LRP5: variants seen among roughly 807,000 people sequenced by gnomAD.
The protein encoded by LRP5 is LDL receptor related protein 5.
In LRP5, 62 loss-of-function variants were observed where a neutral mutation model predicts 154.1. That is an observed-to-expected ratio of 0.40 (90% CI 0.33 to 0.50). The LOEUF (loss-of-function observed/expected upper bound fraction) is 0.50. Among genes scored for constraint, LRP5 ranks in the 20% least tolerant of loss-of-function variants. The pLI is 0.55. For missense variants in LRP5, 1,915 were observed against 2,336.7 expected, an observed-to-expected ratio of 0.82 and a Z score of 3.72; for synonymous variants, 966 against 1,011.5, an observed-to-expected ratio of 0.96 and a Z score of 0.85.
chr11:68,349,376 G>A (rs1275600157), intron 2 of LRP5, among the ~76,000 whole-genome samples: 1 of 152,184 alleles, frequency 6.6e-6, no homozygotes, highest in Non-Finnish European at 1.5e-5. Flanking sequence ...TGAGGCAACC[G>A]ATGTGGTTGG....
At position 68,448,925 on chromosome 11, in the gene LRP5, C is replaced by T. The variant is rs755776774; in HGVS notation, c.4703C>T (p.Ser1568Leu). ...AGCAAGTACTACCTGGATTTGAACT[C>T]GGACTCAGACCCCTATCCACCCCCA... The part of the protein sequence containing the change: ...KASKYYLDLN[S>L]DSDPYPPPPT... Residue 1568 changes from serine to leucine, a missense_variant, in exon 23 of 23, where the codon TCG (serine) becomes TTG (leucine). Ser to Leu is a moderately radical substitution (Grantham distance 145, BLOSUM62 -2). This residue lies in a region of LRP5 where 1,094 missense variants were observed against 1,210.1 expected (regional missense o/e 0.90). Coordinates refer to ENST00000294304, the MANE Select transcript of LRP5 (RefSeq NM_002335.4). 4.3e-6 allele frequency: 7 copies of T among 1,613,594 alleles called. No individual in the cohort carries two copies. The highest frequency in any genetic ancestry group is 2.2e-5 in the East Asian group (1 of 44,876).
rs543232154 is a variant in LRP5, at chr11:68,438,308, C to T, written c.4112-138C>T. ...GTTGGCCAGGCTCCCCAGGCCTAGC[C>T]TCCCAGCTCCCCCACTTTCTCCCCA... On this transcript the variant is annotated intron_variant, in intron 19 of 22. Coordinates refer to ENST00000294304, the MANE Select transcript of LRP5 (RefSeq NM_002335.4). 3 of 881,012 alleles carry T rather than the reference C, an allele frequency of 3.4e-6. No homozygotes were observed. The Admixed American group carries it at 5.3e-5, about 15-fold the overall frequency. 54.6% of individuals were successfully genotyped at this position (881,012 alleles called of 1,614,324 possible).
chr11:68,394,778 A>T (rs2098648331), intron 7 of LRP5, among the ~76,000 whole-genome samples: 1 of 152,170 alleles, frequency 6.6e-6, no homozygotes, highest in Non-Finnish European at 1.5e-5. Context: ...TTCCCACTTT[A>T]AGAATCTGTC....
chr11:68,306,202 C>A, the LRP5 span, among the ~76,000 whole-genome samples: 1 of 152,180 alleles, frequency 6.6e-6, no homozygotes, highest in Non-Finnish European at 1.5e-5. Flanking sequence ...GTGGCGCGAT[C>A]TTGGCTCACT....
rs553930473 is a variant in LRP5, at chr11:68,378,003, G to A, written c.1016-8313G>A. Among the ~76,000 whole-genome samples, 128 of 152,330 alleles carry A rather than the reference G, an allele frequency of 8.4e-4. 2 individuals are homozygous for A. The highest frequency in any genetic ancestry group is 3.0e-3 in the African/African-American group (124 of 41,558). ...TCCGGGGGCCACTGGACCTTTCCTG[G>A]GTGGCCTGTGGCCTGGGAGCTGCAC... On this transcript the variant is annotated intron_variant, in intron 5 of 22. Coordinates refer to ENST00000294304, the MANE Select transcript of LRP5 (RefSeq NM_002335.4).
intron 12 of LRP5, among the ~76,000 whole-genome samples, chr11:68,414,859 G>A (rs1210444398): frequency 6.6e-6 from 1 of 152,228 alleles, no homozygotes; most frequent in Non-Finnish European, 1.5e-5. Flanking sequence ...CAGGAGATGG[G>A]CCTGGGCCAG....
intron 5 of LRP5, among the ~76,000 whole-genome samples, chr11:68,380,772 C>T (rs1239207600): frequency 1.3e-5 from 2 of 152,226 alleles, no homozygotes; most frequent in African/African-American, 2.4e-5. Flanking sequence ...TCAGCCCCGG[C>T]GACAGGTTTG....
At chr11:68,345,436 C>T (rs769567664) in intron 1 of LRP5, among the ~76,000 whole-genome samples, 67 of 151,862 alleles carry the variant, frequency 4.4e-4, no homozygotes, top group Non-Finnish European at 8.5e-4. Flanking sequence ...TACAGGTGCC[C>T]GTCACTACGC....
At chr11:68,400,250 G>T (rs1317062669) in intron 7 of LRP5, among the ~76,000 whole-genome samples, 1 of 152,180 alleles carries the variant, frequency 6.6e-6, no homozygotes, top group African/African-American at 2.4e-5. Flanking sequence ...GCCGGCCGCT[G>T]CCCAGCACCC....
At chr11:68,430,161 T>C (rs1484531006) in intron 17 of LRP5, among the ~76,000 whole-genome samples, 3 of 152,152 alleles carry the variant, frequency 2.0e-5, no homozygotes, top group Non-Finnish European at 4.4e-5. Flanking sequence ...TGTGTCTTTT[T>C]GTTTTGTTTT....
rs930422105 is a variant in LRP5, at chr11:68,433,850, C to T, written c.4000+12C>T. On this transcript the variant is annotated intron_variant, in intron 18 of 22. Transcript: ENST00000294304. ...GGCGGACTGTGACGGTGAGGCCCTC[C>T]CCGTCAAGGCTCTGCCAAGACCCTG... 1.9e-6 allele frequency: 3 copies of T among 1,606,948 alleles called. No individual in the cohort carries two copies. The highest frequency in any genetic ancestry group is 1.3e-5 in the African/African-American group (1 of 74,820).
intron 1 of LRP5, among the ~76,000 whole-genome samples, chr11:68,346,033 T>G (rs1331279561): frequency 1.3e-5 from 2 of 152,276 alleles, no homozygotes; most frequent in Non-Finnish European, 2.9e-5. Flanking sequence ...TTTCTCATTG[T>G]TGAGTTTTAG....
Position 68,403,622 on chromosome 11 carries a change from A to G in LRP5, c.1724A>G (p.Lys575Arg), listed in dbSNP as rs574974332. The change falls in exon 8 of 23, where the codon AAG becomes AGG. Residue 575 changes from lysine to arginine, a missense_variant. Around this residue, in one of 3 missense-constraint regions of LRP5, gnomAD observed 773 missense variants for 1,100.9 expected, o/e 0.70. Coordinates refer to ENST00000294304, the MANE Select transcript of LRP5 (RefSeq NM_002335.4). Reference protein sequence around the residue: ...RRSIERVHKVKASRDVIIDQL... With the variant: ...RRSIERVHKVRASRDVIIDQL... ...AGCATCGAGCGGGTGCACAAGGTCA[A>G]GGCCAGCCGGGACGTCATCATTGAC... 1.2e-6 allele frequency: 2 copies of G among 1,614,174 alleles called. No individual in the cohort carries two copies. The highest frequency in any genetic ancestry group is 2.2e-5 in the South Asian group (2 of 91,084).
intron 12 of LRP5, among the ~76,000 whole-genome samples, chr11:68,414,481 T>C (rs995462688): frequency 5.9e-5 from 9 of 152,120 alleles, no homozygotes; most frequent in African/African-American, 2.2e-4. Context: ...GCAGGCTGGC[T>C]CAAGAGTCCC....
chr11:68,442,321 T>A lies in LRP5; in HGVS notation c.4488+2405T>A, dbSNP rs576449089. On this transcript the variant is annotated intron_variant, in intron 21 of 22. Transcript: ENST00000294304. ...GAGACAAACTTCCTCTGTCACCCAG[T>A]GGGAGTGCAGTGGCACAATCACAGC... Among the ~76,000 whole-genome samples, 78 of 152,338 alleles carry A rather than the reference T, an allele frequency of 5.1e-4. No homozygotes were observed. In the South Asian group the frequency reaches 0.016, roughly 31 times the overall value.
chr11:68,302,039 T>C, the LRP5 span, among the ~76,000 whole-genome samples: 2 of 151,740 alleles, frequency 1.3e-5, no homozygotes, highest in Non-Finnish European at 2.9e-5. Flanking sequence ...TAAATGGCAT[T>C]GATGTGCTGA....
At chr11:68,328,445 G>A (rs562052101) in intron 1 of LRP5, among the ~76,000 whole-genome samples, 1 of 152,268 alleles carries the variant, frequency 6.6e-6, no homozygotes, top group Non-Finnish European at 1.5e-5. Context: ...TTCTGAGCTC[G>A]GTCCTCCAGT....
chr11:68,398,544 T>A (rs1449064684), intron 7 of LRP5, among the ~76,000 whole-genome samples: 1 of 151,622 alleles, frequency 6.6e-6, no homozygotes, highest in African/African-American at 2.4e-5. Flanking sequence ...TGCACAGAAC[T>A]AGAGCAGGAG....
intron 9 of LRP5, among the ~76,000 whole-genome samples, chr11:68,409,336 T>C (rs1173609213): frequency 6.9e-6 from 1 of 145,546 alleles, no homozygotes; most frequent in East Asian, 1.9e-4. Flanking sequence ...ATATGTAATG[T>C]ATATTTTTTA....
Sources: allele counts gnomAD v4.1 joint callset (sites outside exome capture counted in the v4.1 genomes callset), GRCh38; gene constraint gnomAD v4.1.1; regional missense constraint gnomAD v4.1.1; transcripts MANE v1.5; gene names NCBI Gene and HGNC (gene_info 2026-07-23, HGNC 2026-07-21).